CATSPERB: variants seen among roughly 807,000 people sequenced by gnomAD.
The protein encoded by CATSPERB is cation channel sperm-associated auxiliary subunit beta.
In CATSPERB, 93 loss-of-function variants were observed where a neutral mutation model predicts 128.3. The observed-to-expected ratio is 0.72, with a 90% confidence interval of 0.61 to 0.86. CATSPERB has a LOEUF of 0.86. Among genes scored for constraint, CATSPERB ranks in the 40% least tolerant of loss-of-function variants. CATSPERB has a pLI of 0.00. For missense variants in CATSPERB, 1,153 were observed against 1,329.5 expected, an observed-to-expected ratio of 0.87 and a Z score of 2.06; for synonymous variants, 381 against 448.8, an observed-to-expected ratio of 0.85 and a Z score of 1.91.
intron 11 of CATSPERB, among the ~76,000 whole-genome samples, chr14:91,682,455 G>C (rs2175250): frequency 0.98 from 149,637 of 152,248 alleles, 73,593 homozygotes; most frequent in East Asian, 1. Context: ...ACCTCCCCAG[G>C]AATGTAATCA....
chr14:91,603,735 G>C (rs1893649212), intron 22 of CATSPERB, among the ~76,000 whole-genome samples: 1 of 152,168 alleles, frequency 6.6e-6, no homozygotes, highest in African/African-American at 2.4e-5. Flanking sequence ...AGGAGGTAGA[G>C]AGAGAAGGGG....
chr14:91,695,330 C>T (rs1311579968), intron 7 of CATSPERB, among the ~76,000 whole-genome samples: 2 of 151,930 alleles, frequency 1.3e-5, no homozygotes, highest in African/African-American at 2.4e-5. Context: ...AGGGTTTTGC[C>T]ATGTTGGCTA....
chr14:91,660,027 A>G (rs1427611208), intron 14 of CATSPERB, 46 bp from the exon 15 acceptor site: 1 of 1,518,314 alleles, frequency 6.6e-7, no homozygotes, highest in Non-Finnish European at 8.8e-7. Context: ...CTGCCATGCA[A>G]CAGTTGGCAG....
At chr14:91,616,024 C>T (rs1893929978) in intron 20 of CATSPERB, among the ~76,000 whole-genome samples, 1 of 151,832 alleles carries the variant, frequency 6.6e-6, no homozygotes, top group Non-Finnish European at 1.5e-5. Context: ...GGATTACAGG[C>T]GCATGCCACC....
intron 4 of CATSPERB, 105 bp from the exon 5 acceptor site, chr14:91,719,583 G>A (rs1426588445): frequency 1.4e-6 from 1 of 737,978 alleles, no homozygotes; most frequent in African/African-American, 1.8e-5. Flanking sequence ...AACATCCAAT[G>A]CATATACCTT....
chr14:91,587,250 C>T lies in CATSPERB; in HGVS notation c.3084G>A (p.Val1028=). ...IKGSELFHFR[V]TVISGVTFCN... ...AAAAAGTTACTCCTGAAATGACGGT[C>T]ACTCTAAAGTGGAAAAGTTCAGAGC... The change falls in exon 26 of 27, where the codon GTG becomes GTA. Residue 1028 remains valine (V), a synonymous_variant. Transcript: ENST00000256343. The T allele has an allele frequency of 6.2e-7, 1 of 1,606,530 alleles. No individual in the cohort carries two copies. The highest frequency in any genetic ancestry group is 1.1e-5 in the South Asian group (1 of 89,594).
At chr14:91,715,713 C>T (rs1022069349) in intron 5 of CATSPERB, among the ~76,000 whole-genome samples, 2 of 151,958 alleles carry the variant, frequency 1.3e-5, no homozygotes, top group Non-Finnish European at 2.9e-5. Context: ...ATAACCAAAA[C>T]AATTTTGAAA....
chr14:91,730,533 T>A (rs1297086369), intron 1 of CATSPERB, among the ~76,000 whole-genome samples: 1 of 152,144 alleles, frequency 6.6e-6, no homozygotes, highest in African/African-American at 2.4e-5. Flanking sequence ...CCATGATGAA[T>A]TTCACCTCTA....
intron 3 of CATSPERB, among the ~76,000 whole-genome samples, chr14:91,724,489 T>A (rs1896087833): frequency 6.6e-6 from 1 of 152,232 alleles, no homozygotes; most frequent in Non-Finnish European, 1.5e-5. Flanking sequence ...GCATTTGCTC[T>A]CATGGAGTCT....
intron 22 of CATSPERB, among the ~76,000 whole-genome samples, chr14:91,599,282 C>T (rs999850895): frequency 1.3e-5 from 2 of 152,076 alleles, no homozygotes; most frequent in Non-Finnish European, 1.5e-5. Flanking sequence ...CTTTGCCGGC[C>T]GGGCACGATG....
intron 17 of CATSPERB, among the ~76,000 whole-genome samples, chr14:91,630,156 A>T (rs904555285): frequency 1.3e-5 from 2 of 152,304 alleles, no homozygotes; most frequent in Admixed American, 6.5e-5. Flanking sequence ...ATCACAGTTG[A>T]TCACTCCATA....
chr14:91,638,679 C>G (rs546980332), intron 16 of CATSPERB, among the ~76,000 whole-genome samples: 9 of 152,300 alleles, frequency 5.9e-5, no homozygotes, highest in African/African-American at 2.2e-4. Flanking sequence ...ACCTCAGCCT[C>G]CCACAATGCT....
intron 10 of CATSPERB, among the ~76,000 whole-genome samples, chr14:91,687,030 T>G (rs973560902): frequency 6.6e-6 from 1 of 152,178 alleles, no homozygotes; most frequent in Non-Finnish European, 1.5e-5. Context: ...TAGCATACTT[T>G]GTATATAGTA....
chr14:91,659,695 C>G (rs1894841687), intron 15 of CATSPERB, 142 bp downstream of exon 15: 3 of 710,070 alleles, frequency 4.2e-6, no homozygotes, highest in Non-Finnish European at 6.6e-6. Flanking sequence ...CCATAGGATC[C>G]TACTTCTGTA....
intron 6 of CATSPERB, among the ~76,000 whole-genome samples, chr14:91,705,919 T>C (rs1431830706): frequency 6.6e-6 from 1 of 152,228 alleles, no homozygotes; most frequent in Middle Eastern, 3.4e-3. Context: ...CGAATTTTCA[T>C]GCATTAATAA....
chr14:91,591,474 C>A lies in CATSPERB; in HGVS notation c.2820+418G>T, dbSNP rs1055671664. On this transcript the variant is annotated intron_variant, in intron 23 of 26. Transcript: ENST00000256343. ...ACCGTCTTTCATTTGTGACTGTCAG[C>A]AGGCTGAGCTTGATTACAATGACTT... is the stretch of plus-strand genomic sequence containing the variant. Among the ~76,000 whole-genome samples, 6 of 151,972 alleles carry A rather than the reference C, an allele frequency of 3.9e-5. No individual in the cohort carries two copies. In the South Asian group the frequency reaches 1.0e-3, roughly 26 times the overall value.
At chr14:91,672,076 A>T (rs1190048161) in intron 13 of CATSPERB, among the ~76,000 whole-genome samples, 1 of 151,974 alleles carries the variant, frequency 6.6e-6, no homozygotes. Context: ...CTAACTTCCA[A>T]ATTTTAACCT....
At chr14:91,624,761 A>G in intron 18 of CATSPERB, 59 bp downstream of exon 18, 1 of 1,316,576 alleles carries the variant, frequency 7.6e-7, no homozygotes, top group Non-Finnish European at 1.0e-6. Flanking sequence ...ATGCCTTCAC[A>G]AAAGATAATT....
At chr14:91,670,019 A>G in intron 13 of CATSPERB, 47 bp from the exon 14 acceptor site, 1 of 1,536,770 alleles carries the variant, frequency 6.5e-7, no homozygotes, top group Non-Finnish European at 8.9e-7. Context: ...TCTGTGTTAC[A>G]AATTTTAGAA....
Sources: gnomAD v4.1 joint callset for allele counts (sites outside exome capture counted in the v4.1 genomes callset) on GRCh38, gnomAD v4.1.1 for gene constraint, MANE v1.5 for transcripts, NCBI Gene and HGNC (gene_info 2026-07-23, HGNC 2026-07-21) for gene names.